The following FAM124B variants were observed in gnomAD, a reference collection of about 807,000 sequenced individuals.
FAM124B encodes the protein family with sequence similarity 124 member B, also known as protein FAM124B.
FAM124B carries 18 observed loss-of-function variants against 19.7 expected under a neutral mutation model. The ratio of observed to expected loss-of-function variants is 0.92; its 90% confidence interval spans 0.63 to 1.36. The LOEUF is 1.36. FAM124B is among the 40% of genes most tolerant of loss of function. FAM124B has a pLI of 0.00. For missense variants in FAM124B, 540 were observed against 553.3 expected (o/e 0.98, Z 0.24); for synonymous variants, 223 against 225.2 (o/e 0.99, Z 0.09).
intron 1 of FAM124B, among the ~76,000 whole-genome samples, chr2:224,397,130 A>G (rs574742522): frequency 4.9e-4 from 74 of 152,318 alleles, no homozygotes; most frequent in African/African-American, 1.6e-3. Flanking sequence ...TATAACTGCC[A>G]CAATTCCCAT....
chr2:224,386,033 C>A (rs2106079554), intron 1 of FAM124B, among the ~76,000 whole-genome samples: 1 of 152,250 alleles, frequency 6.6e-6, no homozygotes, highest in African/African-American at 2.4e-5. Context: ...TTCAGTGACG[C>A]CCTACTCTTC....
At chr2:224,381,498 A>T (rs1203795001) in intron 1 of FAM124B, among the ~76,000 whole-genome samples, 1 of 151,242 alleles carries the variant, frequency 6.6e-6, no homozygotes, top group Non-Finnish European at 1.5e-5. Flanking sequence ...CTATGAAGAC[A>T]GTAAAAAAAT....
intron 1 of FAM124B, among the ~76,000 whole-genome samples, chr2:224,384,974 G>A (rs189377588): frequency 1.1e-4 from 16 of 151,652 alleles, no homozygotes; most frequent in East Asian, 1.9e-4. Flanking sequence ...TTCAAGTCTC[G>A]TGTCTTGAAA....
chr2:224,380,505 A>T (rs1421088869), intron 1 of FAM124B, among the ~76,000 whole-genome samples: 1 of 152,204 alleles, frequency 6.6e-6, no homozygotes, highest in East Asian at 1.9e-4. Context: ...TGTTCAAACA[A>T]TGCAGACATT....
intron 1 of FAM124B, chr2:224,399,855 T>C (rs908675398): frequency 6.6e-6 from 1 of 152,204 alleles, no homozygotes; most frequent in Non-Finnish European, 1.5e-5. Context: ...TTATGTACTT[T>C]ATAAGTGTCA....
chr2:224,401,394 G>C lies in FAM124B; in HGVS notation c.375C>G (p.Ile125Met). The C allele has an allele frequency of 6.2e-7, 1 of 1,614,070 alleles. No homozygotes were observed. Among genetic ancestry groups the C allele is most frequent in the Non-Finnish European group, 8.5e-7 (1 of 1,180,022 alleles). ...EFYSLDSQLP[I>M]WGVRQVHCGS... is the part of the protein sequence containing the mutation. ...CACAGTGCACCTGCCTCACCCCCCAGATGGGCAGCTGACTGTCCAGGCTGT... is the reference window on the plus strand; with the variant it reads ...CACAGTGCACCTGCCTCACCCCCCACATGGGCAGCTGACTGTCCAGGCTGT... The change falls in exon 1 of 2, where the codon ATC becomes ATG. Residue 125 changes from isoleucine (I) to methionine (M), a missense_variant. Coordinates refer to ENST00000409685, the MANE Select transcript of FAM124B (RefSeq NM_001122779.2).
chr2:224,398,702 C>T (rs1351417488), intron 1 of FAM124B, among the ~76,000 whole-genome samples: 1 of 152,088 alleles, frequency 6.6e-6, no homozygotes, highest in African/African-American at 2.4e-5. Context: ...GGCAGCTGGG[C>T]GTGGTAGCTC....
chr2:224,385,798 G>A (rs968819736), intron 1 of FAM124B, among the ~76,000 whole-genome samples: 1 of 152,044 alleles, frequency 6.6e-6, no homozygotes, highest in South Asian at 2.1e-4. Context: ...CATACCCCGG[G>A]TACAACCATC....
intron 1 of FAM124B, among the ~76,000 whole-genome samples, chr2:224,381,587 G>T (rs557945431): frequency 3.9e-5 from 6 of 152,172 alleles, no homozygotes; most frequent in Non-Finnish European, 7.3e-5. Context: ...AAACTACTCT[G>T]CATGATACTG....
chr2:224,400,514 T>TA lies in FAM124B; in HGVS notation c.732+522dup, dbSNP rs945432288. The TA allele has an allele frequency of 2.0e-5, 14 of 687,876 alleles. 1 individual carries two copies. The highest frequency in any genetic ancestry group is 3.6e-4 in the Middle Eastern group (1 of 2,752). The allele number at this position is 687,876 out of a possible 1,614,324, so 42.6% of individuals were successfully genotyped here. On this transcript the variant is annotated intron_variant, in intron 1 of 1. Coordinates refer to ENST00000409685, the MANE Select transcript of FAM124B (RefSeq NM_001122779.2). The stretch of plus-strand genomic sequence containing the variant: ...GAGGAAGACTCCCATCTCTAAAAAA[T>TA]AAAAAAATTAAAAATTAAAAAAACC...
intron 1 of FAM124B, among the ~76,000 whole-genome samples, chr2:224,390,250 T>C (rs1239303515): frequency 6.7e-6 from 1 of 149,030 alleles, no homozygotes; most frequent in Non-Finnish European, 1.5e-5. Flanking sequence ...AAGGCAGGAG[T>C]GGCCCACGTG....
At chr2:224,391,113 T>G (rs1163898451) in intron 1 of FAM124B, among the ~76,000 whole-genome samples, 5 of 149,488 alleles carry the variant, frequency 3.3e-5, no homozygotes, top group African/African-American at 7.3e-5. Context: ...GAGGCCAAAG[T>G]GGGTGGATCA....
rs932713109 is a variant in FAM124B, at chr2:224,378,858, C to G, written c.*715G>C. 2.0e-5 allele frequency: 3 copies of G among 152,248 alleles called. No individual in the cohort carries two copies. The highest frequency in any genetic ancestry group is 7.2e-5 in the African/African-American group (3 of 41,448). 9.4% of individuals were successfully genotyped at this position (152,248 alleles called of 1,614,324 possible). A position where few individuals can be genotyped will look rare whatever the true frequency, so the allele number is the denominator to read the frequency against. On this transcript the variant is annotated 3_prime_UTR_variant, in exon 2 of 2. Transcript: ENST00000409685. Reference sequence around the variant, plus strand: ...TTTTCCCACTGTGCTCAATGTTCCTCTTTGGTTTGTAACAAGAACCACTGT... The same window carrying G: ...TTTTCCCACTGTGCTCAATGTTCCTGTTTGGTTTGTAACAAGAACCACTGT...
rs1690081504 is a variant in FAM124B, at chr2:224,401,886, C to T, written c.-118G>A. On this transcript the variant is annotated 5_prime_UTR_variant, in exon 1 of 2. Coordinates refer to ENST00000409685, the MANE Select transcript of FAM124B (RefSeq NM_001122779.2). ...CCCGCCTGAAAACCTTCAGCTGCAG[C>T]GGCTACTTCTGAGCAGAGCTCTTAA... The T allele has an allele frequency of 1.6e-6, 2 of 1,233,716 alleles. No homozygotes were observed. The highest frequency in any genetic ancestry group is 1.1e-6 in the Non-Finnish European group (1 of 892,850). 76.4% of individuals were successfully genotyped at this position (1,233,716 alleles called of 1,614,324 possible). A position where few individuals can be genotyped will look rare whatever the true frequency, so the allele number is the denominator to read the frequency against.
intron 1 of FAM124B, among the ~76,000 whole-genome samples, chr2:224,394,710 T>C (rs1364588363): frequency 2.0e-5 from 3 of 152,198 alleles, no homozygotes; most frequent in Non-Finnish European, 4.4e-5. Context: ...AAAAATTCTC[T>C]AAACTCCTTT....
intron 1 of FAM124B, among the ~76,000 whole-genome samples, chr2:224,380,750 C>T (rs1173389066): frequency 6.6e-6 from 1 of 152,106 alleles, no homozygotes; most frequent in Non-Finnish European, 1.5e-5. Flanking sequence ...AATAATTTGG[C>T]AGCAATATTC....
At chr2:224,399,474 A>C (rs1358005301) in intron 1 of FAM124B, 1 of 152,238 alleles carries the variant, frequency 6.6e-6, no homozygotes, top group Non-Finnish European at 1.5e-5. Flanking sequence ...AAATGGAAAG[A>C]CATCTCATCT....
chr2:224,384,108 G>A (rs914749292), intron 1 of FAM124B, among the ~76,000 whole-genome samples: 1 of 152,132 alleles, frequency 6.6e-6, no homozygotes, highest in African/African-American at 2.4e-5. Flanking sequence ...CAGCCAGGAA[G>A]CGCCCTCCTG....
chr2:224,397,441 A>C (rs1689991996), intron 1 of FAM124B, among the ~76,000 whole-genome samples: 1 of 152,156 alleles, frequency 6.6e-6, no homozygotes, highest in Non-Finnish European at 1.5e-5. Flanking sequence ...AAAACAAACT[A>C]ATAGAGTAAA....
Sources: gnomAD v4.1 joint callset for allele counts (sites outside exome capture counted in the v4.1 genomes callset) on GRCh38, gnomAD v4.1.1 for gene constraint, MANE v1.5 for transcripts, NCBI Gene and HGNC (gene_info 2026-07-23, HGNC 2026-07-21) for gene names.